The following ABCB1 variants were observed in gnomAD, a reference collection of about 807,000 sequenced individuals.
ABCB1 encodes ATP-dependent translocase ABCB1.
ABCB1 carries 69 observed loss-of-function variants against 142.0 expected under a neutral mutation model. The ratio of observed to expected loss-of-function variants is 0.49; its 90% CI spans 0.40 to 0.59. ABCB1 has a LOEUF of 0.59. Ranked by LOEUF, ABCB1 falls within the 20% of genes least tolerant of loss-of-function variation. ABCB1 has a pLI of 0.00. For synonymous variants in ABCB1, 532 were observed against 539.2 expected (o/e 0.99, Z 0.18); for missense variants, 1,326 against 1,554.7 (o/e 0.85, Z 2.47).
At chr7:87,693,606 C>T (rs942393954) in intron 1 of ABCB1, among the ~76,000 whole-genome samples, 2 of 152,140 alleles carry the variant, frequency 1.3e-5, no homozygotes, top group South Asian at 2.1e-4. Flanking sequence ...CAGTTTATTA[C>T]ATCTGAGAAA....
intron 2 of ABCB1, among the ~76,000 whole-genome samples, chr7:87,599,661 G>A (rs1337599013): frequency 1.3e-5 from 2 of 152,182 alleles, no homozygotes; most frequent in Admixed American, 6.5e-5. Flanking sequence ...AAGAACGGTT[G>A]GATAGGACAA....
chr7:87,626,105 T>TATATATGTGTCATATATATTGTC (rs1820450497), intron 1 of ABCB1, among the ~76,000 whole-genome samples: 3 of 137,566 alleles, frequency 2.2e-5, no homozygotes, highest in Non-Finnish European at 3.1e-5. Context: ...TATATTGTCA[T>TATATATGTGTCATATATATTGTC]ATATATGTGT....
At chr7:87,544,766 C>T (rs537885647) in intron 16 of ABCB1, 57 bp downstream of exon 16, 1 of 1,586,272 alleles carries the variant, frequency 6.3e-7, no homozygotes, top group Non-Finnish European at 8.6e-7. Flanking sequence ...CCTAGCCCAC[C>T]AAACTAGGGA....
intron 26 of ABCB1, 147 bp from the exon 27 acceptor site, chr7:87,506,190 AC>A: frequency 1.2e-6 from 1 of 808,872 alleles, no homozygotes; most frequent in Admixed American, 2.7e-5. Context: ...TAAGGAAAGA[AC>A]AGTAAAAAAG....
chr7:87,642,209 TG>T (rs1490439680), intron 1 of ABCB1, among the ~76,000 whole-genome samples: 1 of 152,132 alleles, frequency 6.6e-6, no homozygotes, highest in African/African-American at 2.4e-5. Context: ...AAAACTGTGC[TG>T]TCTTGATTGT....
At chr7:87,700,500 G>C (rs766011257) in intron 1 of ABCB1, 1 of 1,613,494 alleles carries the variant, frequency 6.2e-7, no homozygotes, top group African/African-American at 1.3e-5. Flanking sequence ...AAGTTTCACA[G>C]AATTGTATCT....
At chr7:87,673,591 C>T (rs576864739) in intron 1 of ABCB1, among the ~76,000 whole-genome samples, 16 of 152,284 alleles carry the variant, frequency 1.1e-4, no homozygotes, top group Middle Eastern at 3.4e-3. Flanking sequence ...AATGGCCCTT[C>T]GATATTTCGG....
chr7:87,702,528 C>T (rs1055872236), intron 1 of ABCB1, among the ~76,000 whole-genome samples: 2 of 152,136 alleles, frequency 1.3e-5, no homozygotes, highest in Non-Finnish European at 2.9e-5. Context: ...AGTCTTTCTG[C>T]TGCAGCCTCC....
intron 1 of ABCB1, among the ~76,000 whole-genome samples, chr7:87,668,460 GT>G (rs28746488): frequency 2.0e-5 from 3 of 151,128 alleles, no homozygotes; most frequent in South Asian, 2.1e-4. Context: ...TCTTTTGATT[GT>G]TTTTTTTGTG....
Position 87,549,514 on chromosome 7 carries a change from A to G in ABCB1, c.1559T>C (p.Phe520Ser). The change falls in exon 14 of 28, where the codon TTT (phenylalanine) becomes TCT (serine). Residue 520 changes from phenylalanine to serine, a missense_variant. Transcript: ENST00000622132. ...YDFIMKLPHK[F>S]DTLVGERGAQ... ...CCCTCTCTCTCCAACCAGGGTGTCAAATTTCTACCACAGAAAACCCAGAAT... is the reference window on the plus strand; with the variant it reads ...CCCTCTCTCTCCAACCAGGGTGTCAGATTTCTACCACAGAAAACCCAGAAT... 1.9e-6 allele frequency: 3 copies of G among 1,614,184 alleles called. No homozygotes were observed. Among genetic ancestry groups the G allele is most frequent in the Non-Finnish European group, 1.7e-6 (2 of 1,180,026 alleles).
intron 25 of ABCB1, among the ~76,000 whole-genome samples, chr7:87,514,159 C>A (rs986253810): frequency 6.6e-6 from 1 of 152,184 alleles, no homozygotes; most frequent in African/African-American, 2.4e-5. Context: ...ATTGAAAACT[C>A]TCTTTTCATT....
intron 27 of ABCB1, among the ~76,000 whole-genome samples, chr7:87,505,146 T>C (rs1273619283): frequency 1.3e-5 from 2 of 152,054 alleles, no homozygotes; most frequent in African/African-American, 4.8e-5. Flanking sequence ...TTATTTTTTG[T>C]AGAGACAATG....
intron 1 of ABCB1, among the ~76,000 whole-genome samples, chr7:87,661,105 A>G (rs142135710): frequency 1.5e-3 from 228 of 151,826 alleles, no homozygotes; most frequent in Non-Finnish European, 2.2e-3. Context: ...TTATTCTGAT[A>G]GATTACATTT....
At chr7:87,582,369 T>A (rs1818546181) in intron 4 of ABCB1, among the ~76,000 whole-genome samples, 1 of 152,214 alleles carries the variant, frequency 6.6e-6, no homozygotes, top group Non-Finnish European at 1.5e-5. Flanking sequence ...CTTTTTCCAA[T>A]GCATTTTATT....
intron 25 of ABCB1, among the ~76,000 whole-genome samples, chr7:87,512,941 C>A (rs774401005): frequency 1.3e-5 from 2 of 152,172 alleles, no homozygotes; most frequent in Non-Finnish European, 2.9e-5. Context: ...TTTTATACAT[C>A]AAGGGACTAG....
rs750510915 is a variant in ABCB1, at chr7:87,519,414, C to A, written c.2839G>T (p.Ala947Ser). 9.9e-6 allele frequency: 16 copies of A among 1,613,964 alleles called. No homozygotes were observed. The highest frequency in any genetic ancestry group is 1.4e-5 in the Non-Finnish European group (16 of 1,179,966). Residue 947 changes from alanine to serine, a missense_variant, in exon 23 of 28, where the codon GCA (alanine) becomes TCA (serine). Coordinates refer to ENST00000622132, the MANE Select transcript of ABCB1 (RefSeq NM_001348946.2). ...CCAGCATAGGAAAAATACATCATTGCCTGGGTGAAGGAAAATGTAATTCCA... is the reference window on the plus strand; with the variant it reads ...CCAGCATAGGAAAAATACATCATTGACTGGGTGAAGGAAAATGTAATTCCA... ...IFGITFSFTQ[A>S]MMYFSYAGCF...
At chr7:87,529,017 ATTAGAT>A (rs1584850572) in intron 21 of ABCB1, among the ~76,000 whole-genome samples, 1 of 152,194 alleles carries the variant, frequency 6.6e-6, no homozygotes, top group Non-Finnish European at 1.5e-5. Flanking sequence ...ATGATAAAAG[ATTAGAT>A]TTTGTTCCAA....
intron 1 of ABCB1, chr7:87,700,508 T>C: frequency 6.2e-7 from 1 of 1,613,510 alleles, no homozygotes; most frequent in Non-Finnish European, 8.5e-7. Flanking sequence ...CAGAATTGTA[T>C]CTGCAGCATT....
chr7:87,558,731 G>A (rs148893417), intron 8 of ABCB1, among the ~76,000 whole-genome samples: 4,070 of 151,508 alleles, frequency 0.027, 52 homozygotes, highest in Non-Finnish European at 0.038. Context: ...TGTTTCCTGC[G>A]GGTCTCTAAT....
Sources: gnomAD v4.1 joint callset for allele counts (sites outside exome capture counted in the v4.1 genomes callset) on GRCh38, gnomAD v4.1.1 for gene constraint, MANE v1.5 for transcripts, NCBI Gene and HGNC (gene_info 2026-07-23, HGNC 2026-07-21) for gene names.